Variants in DHX57 observed in about 807,000 individuals in gnomAD.
The protein encoded by DHX57 is putative ATP-dependent RNA helicase DHX57.
In DHX57, 105 loss-of-function variants were observed where a neutral mutation model predicts 156.2. The ratio of observed to expected loss-of-function variants is 0.67; its 90% CI spans 0.57 to 0.79. The LOEUF is 0.79. Ranked by LOEUF, DHX57 falls within the 30% of genes least tolerant of loss-of-function variation. The probability of loss-of-function intolerance (pLI) is 0.00; values close to 1 mark genes in which losing one functional copy is unlikely to be tolerated. For missense variants in DHX57, 1,847 were observed against 1,661.9 expected (o/e 1.11, Z -1.94); for synonymous variants, 704 against 595.6 (o/e 1.18, Z -2.65).
At chr2:38,809,793 T>G (rs1055518237) in intron 21 of DHX57, among the ~76,000 whole-genome samples, 1 of 152,102 alleles carries the variant, frequency 6.6e-6, no homozygotes, top group African/African-American at 2.4e-5. Context: ...CATTTCTTCT[T>G]GCTAGTAACA....
chr2:38,856,877 G>A (rs547368411), intron 6 of DHX57: 2 of 154,670 alleles, frequency 1.3e-5, no homozygotes, highest in African/African-American at 2.4e-5. Context: ...GATTTGTTGG[G>A]ATTGGATGTA....
In DHX57 at chr2:38,861,352, T is replaced by A; in HGVS notation, c.1058A>T (p.Tyr353Phe). The A allele has an allele frequency of 6.2e-7, 1 of 1,613,608 alleles. No homozygotes were observed. Among genetic ancestry groups the A allele is most frequent in the South Asian group, 1.1e-5 (1 of 90,994 alleles). ...LNAIEDASFL[Y>F]ELEIRFSKDH... Reference sequence around the variant, plus strand: ...TTTAGAAAATCGAATTTCAAGTTCATATAAAAAAGATGCATCTTCAATAGC... The same window carrying A: ...TTTAGAAAATCGAATTTCAAGTTCAAATAAAAAAGATGCATCTTCAATAGC... The change falls in exon 5 of 24, where the codon TAT (tyrosine) becomes TTT (phenylalanine). Residue 353 changes from tyrosine (Y) to phenylalanine (F), a missense_variant. By Grantham distance (22) the Tyr-to-Phe change is conservative. Transcript: ENST00000457308.
chr2:38,870,083 A>G (rs1291776451), intron 1 of DHX57, among the ~76,000 whole-genome samples: 1 of 152,160 alleles, frequency 6.6e-6, no homozygotes, highest in Non-Finnish European at 1.5e-5. Context: ...AATTCACTAG[A>G]GAAGCTCAAC....
chr2:38,853,594 A>G (rs1157538110), intron 9 of DHX57: 1 of 152,450 alleles, frequency 6.6e-6, no homozygotes, highest in Non-Finnish European at 1.5e-5. Context: ...CTGGACTGTA[A>G]GAGATGAGGG....
intron 5 of DHX57, among the ~76,000 whole-genome samples, chr2:38,859,959 G>A (rs1420819512): frequency 6.6e-6 from 1 of 151,894 alleles, no homozygotes; most frequent in Non-Finnish European, 1.5e-5. Context: ...TCAGAGGAGT[G>A]CACAACCATG....
chr2:38,824,591 G>T (rs920038103), intron 16 of DHX57, among the ~76,000 whole-genome samples: 1 of 152,120 alleles, frequency 6.6e-6, no homozygotes, highest in Non-Finnish European at 1.5e-5. Context: ...TATGAAAAAG[G>T]TTTAAACGAT....
intron 21 of DHX57, among the ~76,000 whole-genome samples, chr2:38,813,338 C>T (rs1200357223): frequency 1.1e-4 from 17 of 151,438 alleles, no homozygotes; most frequent in Admixed American, 1.1e-3. Context: ...TGTATCCAAA[C>T]AGATTTTGGG....
chr2:38,810,387 G>T, intron 21 of DHX57: 2 of 497,262 alleles, frequency 4.0e-6, no homozygotes, highest in South Asian at 3.0e-5. Flanking sequence ...CCTGTACTTG[G>T]GGAATCTGCA....
intron 22 of DHX57, among the ~76,000 whole-genome samples, chr2:38,803,339 A>G (rs1034079490): frequency 6.6e-6 from 1 of 151,802 alleles, no homozygotes; most frequent in East Asian, 1.9e-4. Context: ...TGATGCTCCC[A>G]TTCACCCAGC....
At chr2:38,838,288 A>C (rs992633627) in intron 12 of DHX57, among the ~76,000 whole-genome samples, 1 of 152,084 alleles carries the variant, frequency 6.6e-6, no homozygotes, top group Non-Finnish European at 1.5e-5. Context: ...TTTTGTAGAC[A>C]TGGGGTCTTG....
chr2:38,857,087 G>A (rs1460997182), intron 6 of DHX57: 3 of 154,064 alleles, frequency 1.9e-5, no homozygotes, highest in Non-Finnish European at 4.4e-5. Flanking sequence ...TGATGGAAAT[G>A]TTCTATACCT....
intron 9 of DHX57, among the ~76,000 whole-genome samples, 171 bp from the exon 10 acceptor site, chr2:38,848,573 A>G (rs1178303553): frequency 6.6e-6 from 1 of 152,132 alleles, no homozygotes. Flanking sequence ...TTACTATTAC[A>G]GGTTGAATAT....
In DHX57 at chr2:38,875,320, G is replaced by A. The variant is rs567917977; in HGVS notation, c.-7+467C>T. On this transcript the variant is annotated intron_variant, in intron 1 of 23. Transcript: ENST00000457308. ...TTTGATAGCCAAGGCACTGAAAAGT[G>A]ACTACACACTACTCTCCTCCCAGGC... 2.0e-5 allele frequency among the ~76,000 whole-genome samples: 3 copies of A among 152,190 alleles called. No individual in the cohort carries two copies. The South Asian group carries it at 6.2e-4, about 32-fold the overall frequency.
intron 11 of DHX57, among the ~76,000 whole-genome samples, chr2:38,846,336 A>T (rs543335269): frequency 6.6e-6 from 1 of 151,816 alleles, no homozygotes; most frequent in Non-Finnish European, 1.5e-5. Flanking sequence ...TAGTAAGTAG[A>T]GGGGGCCAGG....
chr2:38,872,381 T>G (rs1424088739), intron 1 of DHX57, among the ~76,000 whole-genome samples: 1 of 152,224 alleles, frequency 6.6e-6, no homozygotes, highest in Non-Finnish European at 1.5e-5. Flanking sequence ...ATTCTCAGTA[T>G]ATAGACAATA....
chr2:38,812,173 A>T (rs946044804), intron 21 of DHX57, among the ~76,000 whole-genome samples: 2 of 152,204 alleles, frequency 1.3e-5, no homozygotes, highest in Non-Finnish European at 2.9e-5. Flanking sequence ...CAACGGTAAG[A>T]CCTTACATTA....
rs543736807 is a variant in DHX57, at chr2:38,849,306, G to C, written c.2031-904C>G. On this transcript the variant is annotated intron_variant, in intron 9 of 23. Coordinates refer to ENST00000457308, the MANE Select transcript of DHX57 (RefSeq NM_198963.3). ...TTTTTAGTAGGAAAAATCCCAAGTT[G>C]CCTGGAATAGTATGCACGGCAGAAT... Among the ~76,000 whole-genome samples the C allele has an allele frequency of 3.9e-5, 6 of 152,290 alleles. No homozygotes were observed. In the East Asian group the frequency reaches 9.6e-4, roughly 24 times the overall value.
chr2:38,848,185 T>C (rs1247432105), intron 10 of DHX57, 84 bp downstream of exon 10: 18 of 1,347,730 alleles, frequency 1.3e-5, no homozygotes, highest in Admixed American at 9.7e-5. Context: ...GAAAGAGGTA[T>C]AAATATCTAC....
At chr2:38,812,627 G>A (rs1192592102) in intron 21 of DHX57, among the ~76,000 whole-genome samples, 5 of 152,154 alleles carry the variant, frequency 3.3e-5, no homozygotes, top group East Asian at 1.9e-4. Context: ...TCTGCCTCCC[G>A]GGTTTAAGCG....
Sources: gnomAD v4.1 joint callset for allele counts (sites outside exome capture counted in the v4.1 genomes callset) on GRCh38, gnomAD v4.1.1 for gene constraint, MANE v1.5 for transcripts, NCBI Gene and HGNC (gene_info 2026-07-23, HGNC 2026-07-21) for gene names.